Variants in SORL1 observed in about 807,000 individuals in gnomAD.
The protein encoded by SORL1 is sortilin-related receptor.
SORL1 carries 127 observed loss-of-function variants against 273.7 expected under a neutral mutation model. The observed-to-expected ratio is 0.46, with a 90% CI of 0.40 to 0.54. The LOEUF is 0.54. SORL1 is among the 20% of genes least tolerant of loss of function. The pLI, the probability that SORL1 is intolerant of heterozygous loss-of-function variation, is 0.00. For missense variants in SORL1, 2,494 were observed against 2,846.1 expected, an observed-to-expected ratio of 0.88 and a Z score of 2.81; for synonymous variants, 1,031 against 1,067.4, an observed-to-expected ratio of 0.97 and a Z score of 0.66.
At chr11:121,599,747 A>G (rs1863356978) in intron 32 of SORL1, among the ~76,000 whole-genome samples, 4 of 151,114 alleles carry the variant, frequency 2.6e-5, no homozygotes, top group Admixed American at 1.3e-4. Flanking sequence ...CTTCAATATA[A>G]TTAATTCTCC....
At position 121,622,204 on chromosome 11, in the gene SORL1, A is replaced by G; in HGVS notation, c.6107A>G (p.Asn2036Ser). The change falls in exon 45 of 48, where the codon AAT becomes AGT. Residue 2036 changes from asparagine (N) to serine (S), a missense_variant. Transcript: ENST00000260197. ...GATGCCTTAAAAATCATAACAGAAA[A>G]TGATCATGTTCTTCTGTTTTGGAAA... Reference protein sequence around the residue: ...APDALKIITENDHVLLFWKSL... With the variant: ...APDALKIITESDHVLLFWKSL... The G allele has an allele frequency of 6.2e-7, 1 of 1,612,744 alleles. No individual in the cohort carries two copies. Among genetic ancestry groups the G allele is most frequent in the Non-Finnish European group, 8.5e-7 (1 of 1,179,326 alleles).
Position 121,589,341 on chromosome 11 carries a change from G to A in SORL1, c.4029G>A (p.Lys1343=). ...QNGVCISLIW[K]CDGMDDCGDY... ...GAGTGTGCATCAGTTTGATTTGGAA[G>A]TGCGACGGGATGGATGATTGCGGCG... The change falls in exon 29 of 48, where the codon AAG becomes AAA. Residue 1343 remains lysine, a synonymous_variant. Transcript: ENST00000260197. 1.2e-6 allele frequency: 2 copies of A among 1,613,932 alleles called. No individual in the cohort carries two copies. Among genetic ancestry groups the A allele is most frequent in the Non-Finnish European group, 1.7e-6 (2 of 1,179,768 alleles).
chr11:121,573,311 A>G (rs1862876135), intron 23 of SORL1, among the ~76,000 whole-genome samples: 1 of 152,182 alleles, frequency 6.6e-6, no homozygotes, highest in Non-Finnish European at 1.5e-5. Context: ...TGCAGACTCA[A>G]TTCAAATCTA....
At chr11:121,606,047 C>T (rs7925799) in intron 35 of SORL1, among the ~76,000 whole-genome samples, 3,023 of 152,276 alleles carry the variant, frequency 0.02, 71 homozygotes, top group Middle Eastern at 0.027. Flanking sequence ...CTCAGCCTCT[C>T]GCATAGCTGA....
At chr11:121,586,675 G>A (rs1362431228) in intron 27 of SORL1, among the ~76,000 whole-genome samples, 3 of 112,464 alleles carry the variant, frequency 2.7e-5, no homozygotes, top group Non-Finnish European at 3.6e-5. Context: ...GTGTTGCTGA[G>A]TATCACTGGG....
intron 12 of SORL1, among the ~76,000 whole-genome samples, chr11:121,542,306 C>A (rs1402906767): frequency 6.6e-6 from 1 of 152,176 alleles, no homozygotes; most frequent in Non-Finnish European, 1.5e-5. Flanking sequence ...CCCCTTCAAT[C>A]CGGGATTTAG....
At chr11:121,625,664 TA>T (rs772966796) in intron 46 of SORL1, among the ~76,000 whole-genome samples, 1 of 152,164 alleles carries the variant, frequency 6.6e-6, no homozygotes, top group East Asian at 1.9e-4. Flanking sequence ...ATTTTACATG[TA>T]AAATCATATA....
chr11:121,476,763 C>T (rs1861274989), intron 2 of SORL1, among the ~76,000 whole-genome samples: 1 of 115,784 alleles, frequency 8.6e-6, no homozygotes, highest in Non-Finnish European at 1.8e-5. Flanking sequence ...TCCCACGCTT[C>T]CTCCCTCCCT....
At chr11:121,555,391 C>G in intron 18 of SORL1, 73 bp downstream of exon 18, 1 of 1,569,064 alleles carries the variant, frequency 6.4e-7, no homozygotes, top group Non-Finnish European at 8.7e-7. Flanking sequence ...ACATTTGACA[C>G]AGAGGCAAGG....
chr11:121,542,812 A>AATTATATTAT (rs200395432), intron 12 of SORL1, among the ~76,000 whole-genome samples: 6 of 149,176 alleles, frequency 4.0e-5, no homozygotes, highest in East Asian at 3.9e-4. Flanking sequence ...ATTTTTCTGT[A>AATTATATTAT]ATTATATTAT....
At chr11:121,524,607 G>A (rs1041710964) in intron 11 of SORL1, among the ~76,000 whole-genome samples, 3 of 152,232 alleles carry the variant, frequency 2.0e-5, no homozygotes, top group Non-Finnish European at 2.9e-5. Context: ...AGAGGCTGTA[G>A]TGGACAGAAT....
At position 121,514,345 on chromosome 11, in the gene SORL1, C is replaced by T. The variant is rs762463337; in HGVS notation, c.1211+24C>T. 11 of 1,599,660 alleles carry T rather than the reference C, an allele frequency of 6.9e-6. No homozygotes were observed. In the Admixed American group the frequency reaches 1.6e-4, roughly 23 times the overall value. On this transcript the variant is annotated intron_variant, in intron 8 of 47. Transcript: ENST00000260197. ...AGGTAAGGAGACTGTGAGTCCTTCT[C>T]CTGCCTTCTTAGGCCAACACAACCA...
At chr11:121,623,565 T>C (rs1382958374) in intron 45 of SORL1, among the ~76,000 whole-genome samples, 1 of 152,254 alleles carries the variant, frequency 6.6e-6, no homozygotes, top group Non-Finnish European at 1.5e-5. Flanking sequence ...TCAATTATTT[T>C]CTTTATAACC....
chr11:121,532,484 C>T lies in SORL1; in HGVS notation c.1617C>T (p.Tyr539=), dbSNP rs369002977. The T allele has an allele frequency of 6.6e-5, 106 of 1,614,042 alleles. No homozygotes were observed. Among genetic ancestry groups the T allele is most frequent in the Non-Finnish European group, 8.5e-5 (100 of 1,179,996 alleles). ...TTCAGGCACTTCCTGGACCTCACTA[C>T]TACACATGGGGAGACCACGGCGGAA... The part of the protein sequence containing the change: ...RWREALPGPH[Y]YTWGDHGGII... Residue 539 remains tyrosine, a synonymous_variant, in exon 12 of 48, where the codon TAC becomes TAT. Transcript: ENST00000260197.
chr11:121,580,088 C>T (rs974380574), intron 25 of SORL1, among the ~76,000 whole-genome samples: 2 of 152,056 alleles, frequency 1.3e-5, no homozygotes, highest in African/African-American at 4.8e-5. Context: ...GGTTATATTG[C>T]TCTTAGTTTT....
intron 37 of SORL1, 48 bp downstream of exon 37, chr11:121,607,338 G>A: frequency 9.3e-7 from 1 of 1,074,052 alleles, no homozygotes; most frequent in South Asian, 1.3e-5. Context: ...TTAGAACTGA[G>A]CGAAATTGCT....
At position 121,614,925 on chromosome 11, in the gene SORL1, A is replaced by T. The variant is rs776722670; in HGVS notation, c.5474A>T (p.Asp1825Val). 1.9e-6 allele frequency: 3 copies of T among 1,613,456 alleles called. No individual in the cohort carries two copies. The South Asian group carries it at 3.3e-5, about 18-fold the overall frequency. The change falls in exon 41 of 48, where the codon GAC becomes GTC. Residue 1825 changes from aspartate to valine, a missense_variant. Transcript: ENST00000260197. ...GAGATTTCTGCCTGGGCCAAGACTG[A>T]CTTGGGGGATAGCCCTCTGGCATTT... is the stretch of plus-strand genomic sequence containing the variant. ...SYEISAWAKT[D>V]LGDSPLAFEH...
chr11:121,455,972 G>T (rs576141896), intron 1 of SORL1, among the ~76,000 whole-genome samples: 2 of 149,772 alleles, frequency 1.3e-5, no homozygotes, highest in Admixed American at 1.3e-4. Context: ...CAGCCTGGGG[G>T]ACAGAGTGAG....
At position 121,452,524 on chromosome 11, in the gene SORL1, G is replaced by T. The variant is rs751430454; in HGVS notation, c.193G>T (p.Asp65Tyr). ...PRELRLWARG[D>Y]ARGASRADEK... ...CGAGCTGCGGCTGTGGGCGCGCGGG[G>T]ATGCCAGGGGGGCGAGCCGCGCGGA... is the stretch of plus-strand genomic sequence containing the variant. The change falls in exon 1 of 48, where the codon GAT (aspartate) becomes TAT (tyrosine). Residue 65 changes from aspartate (D) to tyrosine (Y), a missense_variant. By Grantham distance (160) the Asp-to-Tyr change is radical. Coordinates refer to ENST00000260197, the MANE Select transcript of SORL1 (RefSeq NM_003105.6). The surrounding 1 kb of genome is among the most constrained non-coding windows in gnomAD (Gnocchi z 5.3). 7 of 1,480,918 alleles carry T rather than the reference G, an allele frequency of 4.7e-6. No individual in the cohort carries two copies. The highest frequency in any genetic ancestry group is 4.8e-5 in the Admixed American group (2 of 41,764). 91.7% of individuals were successfully genotyped at this position (1,480,918 alleles called of 1,614,324 possible). A position where few individuals can be genotyped will look rare whatever the true frequency, so the allele number is the denominator to read the frequency against.
Sources: allele counts gnomAD v4.1 joint callset (sites outside exome capture counted in the v4.1 genomes callset), GRCh38; gene constraint gnomAD v4.1.1; non-coding constraint Gnocchi (gnomAD v3.1); transcripts MANE v1.5; gene names NCBI Gene and HGNC (gene_info 2026-07-23, HGNC 2026-07-21).